TBC1D30: variants seen among roughly 807,000 people sequenced by gnomAD.
The protein encoded by TBC1D30 is TBC1 domain family member 30, also known as TBC1 domain family, member 30.
A neutral mutation model predicts 63.2 loss-of-function variants in TBC1D30; 31 were observed. That is an observed-to-expected ratio of 0.49 (90% CI 0.37 to 0.66). The LOEUF is 0.66. Among genes scored for constraint, TBC1D30 ranks in the 30% least tolerant of loss-of-function variants. TBC1D30 has a pLI of 0.00. For synonymous variants in TBC1D30, 307 were observed against 361.5 expected (o/e 0.85, Z 1.71); for missense variants, 810 against 953.6 (o/e 0.85, Z 1.98).
upstream of TBC1D30, among the ~76,000 whole-genome samples, chr12:64,822,955 G>C (rs1418984145): frequency 2.0e-5 from 3 of 152,004 alleles, no homozygotes; most frequent in African/African-American, 7.3e-5. Context: ...GGTTTTTAGA[G>C]ACCATAACCT....
intron 5 of TBC1D30, among the ~76,000 whole-genome samples, chr12:64,833,445 T>C (rs772864278): frequency 2.6e-5 from 4 of 152,218 alleles, no homozygotes; most frequent in Non-Finnish European, 4.4e-5. Flanking sequence ...CTAATTCATA[T>C]TTGAACCTTT....
At position 64,783,281 on chromosome 12, in the gene TBC1D30, G is replaced by A. The variant is rs1417329692; in HGVS notation, c.478+1995G>A. Among the ~76,000 whole-genome samples, 2 of 152,114 alleles carry A rather than the reference G, an allele frequency of 1.3e-5. 1 individual carries two copies. Among genetic ancestry groups the A allele is most frequent in the African/African-American group, 4.8e-5 (2 of 41,390 alleles). On this transcript the variant is annotated intron_variant, in intron 1 of 12. Transcript: ENST00000542120. ...ATGAATTTTGGAGTCAGACTCCTGG[G>A]TTGATATCCGGCCGCAGTTCCTTAC...
At position 64,870,783 on chromosome 12, in the gene TBC1D30, G is replaced by T; in HGVS notation, c.1473G>T (p.Gln491His). 6.5e-7 allele frequency: 1 copy of T among 1,535,994 alleles called. No individual in the cohort carries two copies. The highest frequency in any genetic ancestry group is 8.7e-7 in the Non-Finnish European group (1 of 1,146,846). ...GAATTAAAAAGAAGCAACAGCAGCAGGTTCATCAGGTGTACATCAGGGCAG... is the reference window on the plus strand; with the variant it reads ...GAATTAAAAAGAAGCAACAGCAGCATGTTCATCAGGTGTACATCAGGGCAG... ...YSRIKKKQQQQVHQVYIRADK... is the reference protein window; with the variant it reads ...YSRIKKKQQQHVHQVYIRADK... The change falls in exon 11 of 12, where the codon CAG becomes CAT. Residue 491 changes from glutamine (Q) to histidine (H), a missense_variant. By Grantham distance (24) the Gln-to-His change is conservative. Transcript: ENST00000539867.
chr12:64,828,201 T>A (rs975763727), intron 2 of TBC1D30, among the ~76,000 whole-genome samples: 1 of 152,214 alleles, frequency 6.6e-6, no homozygotes. Context: ...TAACCAGAGC[T>A]TCCCAACCAT....
chr12:64,821,070 T>C (rs1310391524), upstream of TBC1D30, among the ~76,000 whole-genome samples: 1 of 152,234 alleles, frequency 6.6e-6, no homozygotes, highest in East Asian at 1.9e-4. Context: ...AGAAAAGTAT[T>C]ACAAGTAAAG....
chr12:64,836,448 G>C, intron 5 of TBC1D30, 42 bp from the exon 6 acceptor site: 1 of 1,492,534 alleles, frequency 6.7e-7, no homozygotes, highest in East Asian at 2.5e-5. Context: ...TGGGATCCCA[G>C]TTTTTACAAA....
chr12:64,788,106 G>A (rs1013953685), intron 2 of TBC1D30, among the ~76,000 whole-genome samples: 5 of 151,986 alleles, frequency 3.3e-5, no homozygotes, highest in Non-Finnish European at 7.4e-5. Flanking sequence ...ACAGGAATGC[G>A]ATTGAGTAGA....
chr12:64,816,373 T>C (rs1338583607), intron 2 of TBC1D30, among the ~76,000 whole-genome samples: 1 of 152,176 alleles, frequency 6.6e-6, no homozygotes, highest in African/African-American at 2.4e-5. Context: ...GTGTAATACC[T>C]TGTAGAAATA....
At chr12:64,816,917 C>T (rs190317421) in intron 2 of TBC1D30, among the ~76,000 whole-genome samples, 23 of 152,196 alleles carry the variant, frequency 1.5e-4, no homozygotes, top group Non-Finnish European at 2.6e-4. Flanking sequence ...GCCTTGAAAT[C>T]CTAGGCTCTC....
intron 9 of TBC1D30, among the ~76,000 whole-genome samples, chr12:64,865,819 T>G (rs952691941): frequency 6.6e-6 from 1 of 152,174 alleles, no homozygotes; most frequent in Non-Finnish European, 1.5e-5. Flanking sequence ...ACCACTCAAG[T>G]GTATACCATT....
chr12:64,859,020 C>CTGTG (rs139732055), intron 8 of TBC1D30, among the ~76,000 whole-genome samples: 47 of 147,972 alleles, frequency 3.2e-4, no homozygotes, highest in African/African-American at 7.7e-4. Context: ...TTTGACTAGG[C>CTGTG]TGTGTGTGTG....
intron 8 of TBC1D30, among the ~76,000 whole-genome samples, chr12:64,849,988 A>G (rs2136422197): frequency 6.6e-6 from 1 of 152,284 alleles, no homozygotes; most frequent in Non-Finnish European, 1.5e-5. Flanking sequence ...GGTCCTTCAC[A>G]TCCCTTGTAA....
intron 7 of TBC1D30, 38 bp from the exon 8 acceptor site, chr12:64,843,340 GCC>G: frequency 6.7e-7 from 1 of 1,496,002 alleles, no homozygotes; most frequent in Non-Finnish European, 9.0e-7. Flanking sequence ...CAGCATGGAT[GCC>G]CTAAACAAGT....
chr12:64,817,403 G>C (rs1873608539), intron 2 of TBC1D30, among the ~76,000 whole-genome samples: 1 of 152,230 alleles, frequency 6.6e-6, no homozygotes, highest in African/African-American at 2.4e-5. Context: ...CAAGGACATA[G>C]AGGAAGCAAG....
At chr12:64,859,034 G>C (rs1010225724) in intron 8 of TBC1D30, among the ~76,000 whole-genome samples, 1 of 152,002 alleles carries the variant, frequency 6.6e-6, no homozygotes, top group South Asian at 2.1e-4. Context: ...GTGTGTGTGT[G>C]TGTGTGTCTG....
intron 6 of TBC1D30, among the ~76,000 whole-genome samples, chr12:64,837,063 G>C (rs568804063): frequency 6.6e-6 from 1 of 152,310 alleles, no homozygotes; most frequent in South Asian, 2.1e-4. Context: ...TGAAAGAGTA[G>C]CTAAGAGCCG....
rs111893697 is a variant in TBC1D30 at position 64,824,771 on chromosome 12, C to T, written c.-109C>T. 119 of 1,396,454 alleles carry T rather than the reference C, an allele frequency of 8.5e-5. 2 individuals are homozygous for T. In the African/African-American group the frequency reaches 1.6e-3, roughly 18 times the overall value. 86.5% of individuals were successfully genotyped at this position (1,396,454 alleles called of 1,614,324 possible). On this transcript the variant is annotated 5_prime_UTR_variant, in exon 1 of 12. Coordinates refer to ENST00000539867, the MANE Select transcript of TBC1D30 (RefSeq NM_015279.2). ...GCTGTGCGCTCCCTGCTCCCACGGGCCGGTCAGCCGCAGACACTCACCCAG... is the reference window on the plus strand; with the variant it reads ...GCTGTGCGCTCCCTGCTCCCACGGGTCGGTCAGCCGCAGACACTCACCCAG...
chr12:64,870,868 C>T (rs1878602774), intron 11 of TBC1D30, 60 bp downstream of exon 11: 3 of 1,499,894 alleles, frequency 2.0e-6, no homozygotes, highest in Non-Finnish European at 2.7e-6. Context: ...AAATGAAGAA[C>T]AAATAATCCT....
chr12:64,817,003 G>A (rs1175855160), intron 2 of TBC1D30, among the ~76,000 whole-genome samples: 3 of 152,148 alleles, frequency 2.0e-5, no homozygotes, highest in Non-Finnish European at 2.9e-5. Context: ...AGAGCATTCT[G>A]AAATTTTGCT....
Sources: allele counts gnomAD v4.1 joint callset (sites outside exome capture counted in the v4.1 genomes callset), GRCh38; gene constraint gnomAD v4.1.1; transcripts MANE v1.5; gene names NCBI Gene and HGNC (gene_info 2026-07-23, HGNC 2026-07-21).